Variants in RARB observed in about 807,000 individuals in gnomAD.
RARB encodes the protein retinoic acid receptor beta, also known as HBV-activated protein.
In RARB, 17 loss-of-function variants were observed where a neutral mutation model predicts 51.9. The observed-to-expected ratio is 0.33, with a 90% CI of 0.22 to 0.49. RARB has a LOEUF of 0.49. Among genes scored for constraint, RARB ranks in the 20% least tolerant of loss-of-function variants. The pLI is 0.99. For synonymous variants in RARB, 215 were observed against 195.4 expected, an observed-to-expected ratio of 1.10 and a Z score of -0.84; for missense variants, 369 against 550.8, an observed-to-expected ratio of 0.67 and a Z score of 3.30.
intron 5 of RARB, among the ~76,000 whole-genome samples, chr3:25,339,690 C>T (rs1471237698): frequency 6.6e-6 from 1 of 151,702 alleles, no homozygotes; most frequent in African/African-American, 2.4e-5. Context: ...GGATCTTGCT[C>T]TCTTGGATCC....
At chr3:25,224,795 G>A (rs1315700534) in intron 5 of RARB, among the ~76,000 whole-genome samples, 1 of 151,838 alleles carries the variant, frequency 6.6e-6, no homozygotes, top group Non-Finnish European at 1.5e-5. Flanking sequence ...TAGTAGAGAC[G>A]GGTTTTGCCA....
chr3:25,282,262 C>T lies in RARB; in HGVS notation c.178+107687C>T, dbSNP rs186536321. ...ACTGCTTCCTCTTCTTCAAATTCCCCAGTCACACTCCCAGTGAGGGGCCTT... is the reference window on the plus strand; with the variant it reads ...ACTGCTTCCTCTTCTTCAAATTCCCTAGTCACACTCCCAGTGAGGGGCCTT... On this transcript the variant is annotated intron_variant, in intron 5 of 11. Coordinates refer to the RARB transcript ENST00000383772. 1.0e-3 allele frequency among the ~76,000 whole-genome samples: 159 copies of T among 152,320 alleles called. 3 individuals carry two copies. The highest frequency in any genetic ancestry group is 0.01 in the Middle Eastern group (3 of 294).
chr3:25,396,018 G>C (rs1299274195), intron 5 of RARB, among the ~76,000 whole-genome samples: 1 of 152,142 alleles, frequency 6.6e-6, no homozygotes, highest in East Asian at 1.9e-4. Context: ...GGACTCAAGG[G>C]CTGCTATTCA....
chr3:25,460,152 G>A (rs1695104919), intron 1 of RARB, among the ~76,000 whole-genome samples: 1 of 152,138 alleles, frequency 6.6e-6, no homozygotes, highest in East Asian at 1.9e-4. Flanking sequence ...CTTCTCAAAT[G>A]TTAATTGTAC....
At chr3:24,938,620 G>A (rs1695593632) in intron 2 of RARB, among the ~76,000 whole-genome samples, 1 of 152,046 alleles carries the variant, frequency 6.6e-6, no homozygotes, top group African/African-American at 2.4e-5. Context: ...ACAATTAAGT[G>A]GCATTAAGCA....
intron 2 of RARB, among the ~76,000 whole-genome samples, chr3:24,904,055 G>A (rs144219447): frequency 6.6e-6 from 1 of 152,288 alleles, no homozygotes; most frequent in East Asian, 1.9e-4. Flanking sequence ...TGAAGGAAAT[G>A]ATGATTTTAG....
chr3:24,834,018 C>T (rs1261372650), intron 1 of RARB, among the ~76,000 whole-genome samples: 1 of 152,132 alleles, frequency 6.6e-6, no homozygotes, highest in African/African-American at 2.4e-5. Context: ...AACTGATTTG[C>T]TATATTTTGC....
intron 5 of RARB, among the ~76,000 whole-genome samples, chr3:25,367,117 A>T (rs1284513184): frequency 6.6e-6 from 1 of 152,184 alleles, no homozygotes; most frequent in African/African-American, 2.4e-5. Context: ...TCTAAAAAAG[A>T]TTCTCTCCAG....
intron 5 of RARB, among the ~76,000 whole-genome samples, chr3:25,401,285 T>C (rs1707256152): frequency 1.3e-5 from 2 of 152,150 alleles, no homozygotes; most frequent in African/African-American, 4.8e-5. Context: ...ATCGAGATTA[T>C]GCACTCCCTA....
At chr3:25,324,375 C>A in intron 5 of RARB, 1 of 160,762 alleles carries the variant, frequency 6.2e-6, no homozygotes, top group Middle Eastern at 5.5e-4. Flanking sequence ...TCCACCACCT[C>A]TGTCAAGATG....
intron 1 of RARB, among the ~76,000 whole-genome samples, chr3:24,850,421 T>C (rs1460953619): frequency 3.9e-5 from 6 of 152,162 alleles, no homozygotes. Context: ...AAGCAAGTCA[T>C]ATAGGCAATT....
At chr3:25,241,171 A>G (rs1702421779) in intron 5 of RARB, among the ~76,000 whole-genome samples, 1 of 152,220 alleles carries the variant, frequency 6.6e-6, no homozygotes, top group South Asian at 2.1e-4. Context: ...ATCAGTTGTA[A>G]TATAATGGGC....
intron 2 of RARB, among the ~76,000 whole-genome samples, chr3:24,921,074 G>C (rs958191558): frequency 3.3e-5 from 5 of 152,156 alleles, no homozygotes; most frequent in Non-Finnish European, 7.4e-5. Flanking sequence ...GGTGGCACCT[G>C]TCTGTTCTAT....
chr3:25,068,886 A>G (rs1194951844), intron 3 of RARB, among the ~76,000 whole-genome samples: 1 of 152,056 alleles, frequency 6.6e-6, no homozygotes, highest in Non-Finnish European at 1.5e-5. Context: ...AATCAGCCAC[A>G]TGAGACCTTT....
chr3:24,936,483 AG>A (rs1375497745), intron 2 of RARB, among the ~76,000 whole-genome samples: 3 of 152,208 alleles, frequency 2.0e-5, no homozygotes, highest in African/African-American at 7.2e-5. Flanking sequence ...GTCTTAACCG[AG>A]GCAGCTAACA....
intron 3 of RARB, among the ~76,000 whole-genome samples, chr3:25,564,508 C>T (rs895160108): frequency 6.6e-6 from 1 of 152,224 alleles, no homozygotes; most frequent in Non-Finnish European, 1.5e-5. Context: ...CAGACCCCAA[C>T]ATGATAGTGA....
At chr3:25,249,829 T>C (rs1286969111) in intron 5 of RARB, among the ~76,000 whole-genome samples, 1 of 61,744 alleles carries the variant, frequency 1.6e-5, no homozygotes, top group Non-Finnish European at 2.8e-5. Context: ...AAGTCAGTCC[T>C]GGGGCCCCAG....
At chr3:25,035,791 G>A (rs1697979923) in intron 2 of RARB, among the ~76,000 whole-genome samples, 2 of 152,288 alleles carry the variant, frequency 1.3e-5, no homozygotes, top group African/African-American at 4.8e-5. Flanking sequence ...CTGTGTTCCA[G>A]TAAAACTTTG....
At chr3:25,585,956 CTGGGTGGGCAGGA>C (rs1701368359) in intron 5 of RARB, among the ~76,000 whole-genome samples, 1 of 152,104 alleles carries the variant, frequency 6.6e-6, no homozygotes, top group African/African-American at 2.4e-5. Flanking sequence ...GGAGCCAGGA[CTGGGTGGGCAGGA>C]TGGGTGAAGG....
Sources: gnomAD v4.1 joint callset for allele counts (sites outside exome capture counted in the v4.1 genomes callset) on GRCh38, gnomAD v4.1.1 for gene constraint, MANE v1.5 for transcripts, NCBI Gene and HGNC (gene_info 2026-07-23, HGNC 2026-07-21) for gene names.